The following NAV2 variants were observed in gnomAD, a reference collection of about 807,000 sequenced individuals.
NAV2 encodes helicase, APC down-regulated 1.
In NAV2, 54 loss-of-function variants were observed where a neutral mutation model predicts 223.2. That is an observed-to-expected ratio of 0.24 (90% confidence interval 0.19 to 0.30). The LOEUF is 0.30. Among genes scored for constraint, NAV2 ranks in the 10% least tolerant of loss-of-function variants. The probability of loss-of-function intolerance (pLI) is 1.00; values close to 1 mark genes in which losing one functional copy is unlikely to be tolerated. For missense variants in NAV2, 2,806 were observed against 3,147.5 expected (o/e 0.89, Z 2.60); for synonymous variants, 1,279 against 1,239.3 (o/e 1.03, Z -0.67).
At chr11:19,535,514 G>A (rs1008097389) in intron 1 of NAV2, among the ~76,000 whole-genome samples, 5 of 152,134 alleles carry the variant, frequency 3.3e-5, no homozygotes, top group Admixed American at 2.0e-4. Context: ...CATTTGTACC[G>A]GGTGATATAC....
chr11:20,053,985 A>G (rs1208802952), intron 17 of NAV2, 95 bp from the exon 18 acceptor site: 6 of 1,249,716 alleles, frequency 4.8e-6, no homozygotes, highest in Admixed American at 2.7e-5. Context: ...CTTCGGATAT[A>G]TGTTTTCTTT....
rs148142071 is a variant in NAV2 at position 19,757,787 on chromosome 11, T to C, written c.267+43825T>C. On this transcript the variant is annotated intron_variant, in intron 1 of 37. Coordinates refer to ENST00000349880, the MANE Select transcript of NAV2 (RefSeq NM_145117.5). The stretch of plus-strand genomic sequence containing the variant: ...TCCTATTTAATCTGCACAAAAGCCC[T>C]AAGAGATACTGTTATAATCTCTATT... 2.2e-3 allele frequency among the ~76,000 whole-genome samples: 335 copies of C among 152,324 alleles called. 1 individual carries two copies. The highest frequency in any genetic ancestry group is 2.2e-3 in the Non-Finnish European group (150 of 68,022).
chr11:20,120,364 T>G lies in NAV2; in HGVS notation c.*2106T>G, dbSNP rs893963791. 9.2e-5 allele frequency: 14 copies of G among 152,564 alleles called. No individual in the cohort carries two copies. The highest frequency in any genetic ancestry group is 3.1e-4 in the African/African-American group (13 of 41,448). 9.5% of individuals were successfully genotyped at this position (152,564 alleles called of 1,614,324 possible). On this transcript the variant is annotated 3_prime_UTR_variant, in exon 38 of 38. Coordinates refer to ENST00000349880, the MANE Select transcript of NAV2 (RefSeq NM_145117.5). ...GGGTGTGAGTGTGTCTTGTTCTGTT[T>G]TTCTTTTTAATAAAACTTTTAAACC...
intron 1 of NAV2, among the ~76,000 whole-genome samples, chr11:19,510,190 CTG>C (rs1253272262): frequency 6.6e-6 from 1 of 152,322 alleles, no homozygotes; most frequent in East Asian, 1.9e-4. Context: ...ATGAGGGAAA[CTG>C]TCTTAGGAGA....
intron 3 of NAV2, among the ~76,000 whole-genome samples, chr11:19,860,904 G>A (rs903552492): frequency 1.0e-3 from 150 of 149,960 alleles, no homozygotes; most frequent in South Asian, 1.9e-3. Context: ...GGCGGCGCGC[G>A]CCTGCAATCG....
intron 6 of NAV2, among the ~76,000 whole-genome samples, chr11:19,914,363 T>C (rs1206487440): frequency 6.6e-6 from 1 of 152,220 alleles, no homozygotes; most frequent in Non-Finnish European, 1.5e-5. Context: ...TTACAGGTCA[T>C]GTATCTTCAT....
intron 1 of NAV2, among the ~76,000 whole-genome samples, chr11:19,785,899 T>C (rs1249056923): frequency 1.3e-5 from 2 of 152,210 alleles, no homozygotes; most frequent in Non-Finnish European, 2.9e-5. Context: ...ACATTATCTT[T>C]CCTGAATACA....
chr11:19,636,151 T>C (rs1014758829), intron 1 of NAV2, among the ~76,000 whole-genome samples: 1 of 152,248 alleles, frequency 6.6e-6, no homozygotes, highest in African/African-American at 2.4e-5. Flanking sequence ...GGAGAAATCA[T>C]AGATATGTCT....
rs713356 is a variant in NAV2 at position 19,672,036 on chromosome 11, G to T, written c.76-160448G>T. Among the ~76,000 whole-genome samples, 3 of 152,040 alleles carry T rather than the reference G, an allele frequency of 2.0e-5. No homozygotes were observed. In the East Asian group the frequency reaches 5.8e-4, roughly 29 times the overall value. ...GCGCTGTGGGAATGTAGACTTCTTG[G>T]GGAAGATTTCCGAGTTGAGTAAGAA... On this transcript the variant is annotated intron_variant, in intron 1 of 37. Transcript: ENST00000360655.
At chr11:19,950,869 C>G (rs2047338989) in intron 10 of NAV2, among the ~76,000 whole-genome samples, 1 of 152,156 alleles carries the variant, frequency 6.6e-6, no homozygotes, top group Non-Finnish European at 1.5e-5. Flanking sequence ...AAAGTACGGG[C>G]AGCTGTGTAG....
Position 19,841,753 on chromosome 11 carries a change from G to A in NAV2, c.386-1118G>A, listed in dbSNP as rs560643138. Reference sequence around the variant, plus strand: ...AGCTAACCCTTAGTCCTTTACTGTGGAGCCCTAGCTGAGTTTCCAAACTGA... The same window carrying A: ...AGCTAACCCTTAGTCCTTTACTGTGAAGCCCTAGCTGAGTTTCCAAACTGA... On this transcript the variant is annotated intron_variant, in intron 2 of 37. Coordinates refer to ENST00000349880, the MANE Select transcript of NAV2 (RefSeq NM_145117.5). 1.2e-4 allele frequency among the ~76,000 whole-genome samples: 18 copies of A among 152,270 alleles called. No individual in the cohort carries two copies. The South Asian group carries it at 3.7e-3, about 32-fold the overall frequency.
chr11:19,585,862 G>T (rs1270883355), intron 1 of NAV2, among the ~76,000 whole-genome samples: 2 of 152,080 alleles, frequency 1.3e-5, no homozygotes, highest in Non-Finnish European at 2.9e-5. Flanking sequence ...TGTGTCTTGG[G>T]GTTGTTCTTC....
chr11:19,952,470 G>A (rs777668688), intron 10 of NAV2, among the ~76,000 whole-genome samples: 36 of 152,150 alleles, frequency 2.4e-4, no homozygotes, highest in Admixed American at 3.3e-4. Flanking sequence ...ACATCCAGGC[G>A]CTTGGAAACA....
chr11:19,614,577 T>C (rs1373223787), intron 1 of NAV2, among the ~76,000 whole-genome samples: 1 of 152,158 alleles, frequency 6.6e-6, no homozygotes, highest in East Asian at 1.9e-4. Flanking sequence ...TGAACCTACA[T>C]TGACATATCA....
chr11:20,118,283 C>T lies in NAV2; in HGVS notation c.*25C>T, dbSNP rs760922819. On this transcript the variant is annotated 3_prime_UTR_variant, in exon 38 of 38. Transcript: ENST00000349880. The stretch of plus-strand genomic sequence containing the variant: ...ACAGGGGCCCGGAGCCCAGCGCCCT[C>T]CTCTTCTCCTCACCGCATTCCACCT... 3 of 1,612,148 alleles carry T rather than the reference C, an allele frequency of 1.9e-6. No individual in the cohort carries two copies. Among genetic ancestry groups the T allele is most frequent in the Non-Finnish European group, 1.7e-6 (2 of 1,179,392 alleles).
At position 19,717,731 on chromosome 11, in the gene NAV2, C is replaced by T. The variant is rs191968111; in HGVS notation, c.267+3769C>T. ...TGTGAGAAGATCCGGAGAGGGTGTCCGTTAAGGACCTGATTCAGATTCATA... is the reference window on the plus strand; with the variant it reads ...TGTGAGAAGATCCGGAGAGGGTGTCTGTTAAGGACCTGATTCAGATTCATA... On this transcript the variant is annotated intron_variant, in intron 1 of 37. Coordinates refer to ENST00000349880, the MANE Select transcript of NAV2 (RefSeq NM_145117.5). Among the ~76,000 whole-genome samples, 67 of 152,212 alleles carry T rather than the reference C, an allele frequency of 4.4e-4. No individual in the cohort carries two copies. In the East Asian group the frequency reaches 0.01, roughly 24 times the overall value.
intron 1 of NAV2, among the ~76,000 whole-genome samples, chr11:19,644,511 C>T (rs1050894978): frequency 2.6e-5 from 4 of 152,204 alleles, no homozygotes; most frequent in African/African-American, 9.7e-5. Flanking sequence ...GCCAGGAAGG[C>T]GGACTGTGGT....
chr11:19,874,656 T>C (rs926304876), intron 4 of NAV2, among the ~76,000 whole-genome samples: 1 of 152,234 alleles, frequency 6.6e-6, no homozygotes, highest in Non-Finnish European at 1.5e-5. Context: ...TACTGTCTGC[T>C]ATAGACCACC....
In NAV2 at chr11:20,119,634, G is replaced by A. The variant is rs562910227; in HGVS notation, c.*1376G>A. 6 of 152,720 alleles carry A rather than the reference G, an allele frequency of 3.9e-5. No individual in the cohort carries two copies. The highest frequency in any genetic ancestry group is 4.1e-4 in the South Asian group (2 of 4,828). The allele number at this position is 152,720 out of a possible 1,614,324, so 9.5% of individuals were successfully genotyped here. On this transcript the variant is annotated 3_prime_UTR_variant, in exon 38 of 38. Transcript: ENST00000349880. ...ACCTTCCCAAAGTGATGCCTTACTGGTTTTGTACTAACTGTGTTCATTTTA... is the reference window on the plus strand; with the variant it reads ...ACCTTCCCAAAGTGATGCCTTACTGATTTTGTACTAACTGTGTTCATTTTA...
Sources: gnomAD v4.1 joint callset for allele counts (sites outside exome capture counted in the v4.1 genomes callset) on GRCh38, gnomAD v4.1.1 for gene constraint, MANE v1.5 for transcripts, NCBI Gene and HGNC (gene_info 2026-07-23, HGNC 2026-07-21) for gene names.